The following KLF12 variants were observed in gnomAD, a reference collection of about 807,000 sequenced individuals.
KLF12 encodes the protein Krueppel-like factor 12.
Under a neutral mutation model 37.8 loss-of-function variants are expected in KLF12, and 9 were observed. The ratio of observed to expected loss-of-function variants is 0.24; its 90% confidence interval spans 0.14 to 0.42. The LOEUF (loss-of-function observed/expected upper bound fraction) is 0.42, where lower values mean the gene tolerates loss of function less well. KLF12 is among the 10% of genes least tolerant of loss of function. The pLI is 1.00. For missense variants in KLF12, 411 were observed against 516.0 expected (o/e 0.80, Z 1.97); for synonymous variants, 208 against 202.1 (o/e 1.03, Z -0.25).
chr13:74,135,224 C>T (rs1225898495), upstream of KLF12, among the ~76,000 whole-genome samples: 1 of 152,038 alleles, frequency 6.6e-6, no homozygotes, highest in Non-Finnish European at 1.5e-5. Flanking sequence ...GCCACCCCAG[C>T]GAAGGGGCCC....
chr13:73,841,307 T>C (rs1884722005), intron 4 of KLF12, among the ~76,000 whole-genome samples: 1 of 152,136 alleles, frequency 6.6e-6, no homozygotes, highest in Non-Finnish European at 1.5e-5. Flanking sequence ...GCCAGGGGTG[T>C]CCAGTCTTTT....
chr13:74,022,903 T>G (rs1892880628), intron 1 of KLF12, among the ~76,000 whole-genome samples: 1 of 150,156 alleles, frequency 6.7e-6, no homozygotes, highest in Admixed American at 6.6e-5. Flanking sequence ...ACCGGGAGCT[T>G]CAAAACTCTC....
chr13:74,133,519 C>T (rs1878386249), intron 1 of KLF12, among the ~76,000 whole-genome samples: 1 of 152,092 alleles, frequency 6.6e-6, no homozygotes, highest in Non-Finnish European at 1.5e-5. Context: ...CCGACCGACG[C>T]TACTTGCTTT....
chr13:74,172,968 C>T, the KLF12 span, among the ~76,000 whole-genome samples: 1 of 152,202 alleles, frequency 6.6e-6, no homozygotes, highest in African/African-American at 2.4e-5. Flanking sequence ...CCGTACCTCT[C>T]TGAAGGAACC....
the KLF12 span, among the ~76,000 whole-genome samples, chr13:74,224,902 A>C: frequency 1.3e-5 from 2 of 152,174 alleles, no homozygotes; most frequent in African/African-American, 4.8e-5. Context: ...CTCAAGTGAA[A>C]GGGAAAAGAA....
intron 3 of KLF12, among the ~76,000 whole-genome samples, chr13:73,853,987 CA>C (rs1329964804): frequency 2.0e-5 from 3 of 152,094 alleles, no homozygotes; most frequent in Admixed American, 1.3e-4. Flanking sequence ...TATAACAGGT[CA>C]AAAACGGAAG....
chr13:73,721,982 G>C (rs1876297748), intron 6 of KLF12, among the ~76,000 whole-genome samples: 1 of 152,080 alleles, frequency 6.6e-6, no homozygotes, highest in Non-Finnish European at 1.5e-5. Flanking sequence ...TCCCTTCCCT[G>C]ACATTCCACT....
At chr13:73,941,897 T>TA (rs1890203019) in intron 3 of KLF12, among the ~76,000 whole-genome samples, 3 of 152,096 alleles carry the variant, frequency 2.0e-5, no homozygotes, top group Admixed American at 2.0e-4. Flanking sequence ...AAATAAGAGT[T>TA]AAAATACCAA....
intron 3 of KLF12, among the ~76,000 whole-genome samples, chr13:73,882,982 T>C (rs1171202525): frequency 6.6e-6 from 1 of 152,206 alleles, no homozygotes; most frequent in African/African-American, 2.4e-5. Context: ...ACTGTCTTTG[T>C]AAATCGTCTT....
At chr13:73,755,155 T>C (rs1176886765) in intron 6 of KLF12, among the ~76,000 whole-genome samples, 2 of 152,214 alleles carry the variant, frequency 1.3e-5, no homozygotes, top group African/African-American at 4.8e-5. Flanking sequence ...TCTTTCTCCA[T>C]ACCTATAAAC....
intron 3 of KLF12, among the ~76,000 whole-genome samples, chr13:73,910,783 G>A (rs370523527): frequency 2.1e-4 from 32 of 152,246 alleles, no homozygotes; most frequent in African/African-American, 7.7e-4. Context: ...TGTATTGAGA[G>A]GTAAGGGCTT....
In KLF12 at chr13:73,749,249, A is replaced by G. The variant is rs138450236; in HGVS notation, c.869+15689T>C. ...CCTGCTGATTCAGCTAAGAGATTAA[A>G]AAGAAAAAAAGATATTTATTCTTTG... On this transcript the variant is annotated intron_variant, in intron 6 of 7. Transcript: ENST00000377669. 4.5e-3 allele frequency among the ~76,000 whole-genome samples: 678 copies of G among 152,282 alleles called. 3 individuals are homozygous for G. The highest frequency in any genetic ancestry group is 0.016 in the African/African-American group (648 of 41,562).
At chr13:73,945,372 G>C (rs1223182738) in intron 2 of KLF12, among the ~76,000 whole-genome samples, 2 of 152,110 alleles carry the variant, frequency 1.3e-5, no homozygotes, top group African/African-American at 4.8e-5. Flanking sequence ...GGGAGGCTGA[G>C]GCAAGAGAAT....
intron 5 of KLF12, 40 bp from the exon 6 acceptor site, chr13:73,765,040 T>A: frequency 8.2e-7 from 1 of 1,217,074 alleles, no homozygotes; most frequent in Non-Finnish European, 1.2e-6. Context: ...TGAAAAAGCA[T>A]ATTCCCAATT....
At chr13:74,072,381 A>ATATATATC (rs1566198760) in intron 1 of KLF12, among the ~76,000 whole-genome samples, 6 of 114,856 alleles carry the variant, frequency 5.2e-5, no homozygotes, top group African/African-American at 2.3e-4. Context: ...ATATATATAT[A>ATATATATC]TATATATATA....
chr13:73,716,751 T>G (rs1350697363), intron 6 of KLF12, among the ~76,000 whole-genome samples: 3 of 152,216 alleles, frequency 2.0e-5, no homozygotes, highest in Non-Finnish European at 4.4e-5. Context: ...TTATTCCTTT[T>G]TTTAATTCAA....
the KLF12 span, among the ~76,000 whole-genome samples, chr13:74,172,223 C>G: frequency 1.3e-5 from 2 of 150,988 alleles, no homozygotes; most frequent in African/African-American, 2.4e-5. Flanking sequence ...AGATAGTGTA[C>G]ATTTATCAGA....
At chr13:73,908,757 G>T (rs539505093) in intron 3 of KLF12, among the ~76,000 whole-genome samples, 2 of 152,226 alleles carry the variant, frequency 1.3e-5, no homozygotes, top group African/African-American at 4.8e-5. Context: ...TGGGATTACA[G>T]GCGTGAGCTA....
chr13:73,818,129 T>G lies in KLF12; in HGVS notation c.671-4842A>C, dbSNP rs138592384. ...GCCCTAAGGGGCCATTTAGTTATGATGAACAACACTTATTTATTTTTATTT... is the reference window on the plus strand; with the variant it reads ...GCCCTAAGGGGCCATTTAGTTATGAGGAACAACACTTATTTATTTTTATTT... On this transcript the variant is annotated intron_variant, in intron 4 of 7. Coordinates refer to ENST00000377669, the MANE Select transcript of KLF12 (RefSeq NM_007249.5). Among the ~76,000 whole-genome samples, 517 of 151,218 alleles carry G rather than the reference T, an allele frequency of 3.4e-3. 7 individuals carry two copies. Among genetic ancestry groups the G allele is most frequent in the African/African-American group, 0.012 (485 of 40,530 alleles).
Sources: allele counts gnomAD v4.1 joint callset (sites outside exome capture counted in the v4.1 genomes callset), GRCh38; gene constraint gnomAD v4.1.1; transcripts MANE v1.5; gene names NCBI Gene and HGNC (gene_info 2026-07-23, HGNC 2026-07-21).